The following PSMD11 variants were observed in gnomAD, a reference collection of about 807,000 sequenced individuals.
PSMD11 encodes the protein 26S proteasome non-ATPase regulatory subunit 11.
PSMD11 carries 5 observed loss-of-function variants against 62.3 expected under a neutral mutation model. That is an observed-to-expected ratio of 0.08 (90% CI 0.04 to 0.17). PSMD11 has a LOEUF of 0.17. Among genes scored for constraint, PSMD11 ranks in the 10% least tolerant of loss-of-function variants. The pLI, the probability that PSMD11 is intolerant of heterozygous loss-of-function variation, is 1.00. For synonymous variants in PSMD11, 191 were observed against 191.8 expected (o/e 1.00, Z 0.03); for missense variants, 310 against 512.9 (o/e 0.60, Z 3.82).
chr17:32,450,481 G>A (rs1405934448), intron 2 of PSMD11, among the ~76,000 whole-genome samples: 1 of 146,832 alleles, frequency 6.8e-6, no homozygotes, highest in South Asian at 2.1e-4. Flanking sequence ...TGGCCAGGCT[G>A]GTCTTGGACT....
At chr17:32,480,112 TA>T in intron 11 of PSMD11, 33 bp from the exon 12 acceptor site, 1 of 1,603,184 alleles carries the variant, frequency 6.2e-7, no homozygotes, top group Non-Finnish European at 8.5e-7. Context: ...GACTAGTGGA[TA>T]CTGGTCCCTT....
At chr17:32,474,695 A>C (rs1367124856) in intron 7 of PSMD11, 69 bp from the exon 8 acceptor site, 1 of 1,483,598 alleles carries the variant, frequency 6.7e-7, no homozygotes, top group Non-Finnish European at 9.4e-7. Context: ...GTTAAAAAGA[A>C]ATTTGCCCAA....
intron 3 of PSMD11, among the ~76,000 whole-genome samples, chr17:32,457,886 T>C (rs915609791): frequency 1.3e-5 from 2 of 151,776 alleles, no homozygotes; most frequent in Admixed American, 6.6e-5. Flanking sequence ...CTGCAACCTC[T>C]GCCTCCTGGG....
At position 32,480,350 on chromosome 17, in the gene PSMD11, T is replaced by C. The variant is rs145112920; in HGVS notation, c.1127-139T>C. On this transcript the variant is annotated intron_variant, in intron 12 of 13. Coordinates refer to ENST00000261712, the MANE Select transcript of PSMD11 (RefSeq NM_002815.4). ...CTGTGATGAGAATGTGTAATAAGCA[T>C]GTGTACATGGAATAGGGAGATGAAT... 202 of 1,445,320 alleles carry C rather than the reference T, an allele frequency of 1.4e-4. No homozygotes were observed. The African/African-American group carries it at 2.4e-3, about 17-fold the overall frequency. The allele number at this position is 1,445,320 out of a possible 1,614,324, so 89.5% of individuals were successfully genotyped here. A position where few individuals can be genotyped will look rare whatever the true frequency, so the allele number is the denominator to read the frequency against.
intron 1 of PSMD11, 53 bp from the exon 2 acceptor site, chr17:32,446,892 A>G (rs894494876): frequency 7.7e-7 from 1 of 1,298,978 alleles, no homozygotes; most frequent in African/African-American, 1.5e-5. Context: ...AATTTCCCTC[A>G]GTCTTCATTT....
rs1908268719 is a variant in PSMD11, at chr17:32,474,748, A to G, written c.789-16A>G. 2 of 1,613,592 alleles carry G rather than the reference A, an allele frequency of 1.2e-6. No individual in the cohort carries two copies. The highest frequency in any genetic ancestry group is 1.7e-6 in the Non-Finnish European group (2 of 1,179,498). On this transcript the variant is annotated splice_polypyrimidine_tract_variant and intron_variant, in intron 7 of 13. Coordinates refer to ENST00000261712, the MANE Select transcript of PSMD11 (RefSeq NM_002815.4). ...TAACATCTGCAGCAATTGACCAAGT[A>G]TGTCTTTTTTTCTAGCCCAGAAGAT...
intron 5 of PSMD11, among the ~76,000 whole-genome samples, chr17:32,465,620 A>C (rs1907971267): frequency 6.6e-6 from 1 of 152,202 alleles, no homozygotes; most frequent in South Asian, 2.1e-4. Flanking sequence ...TTTAAAGTGT[A>C]TAATCCAGTG....
In PSMD11 at chr17:32,479,903, C is replaced by CCATT. The variant is rs1159617727; in HGVS notation, c.1074+20_1074+21insTCAT. On this transcript the variant is annotated intron_variant, in intron 11 of 13. Coordinates refer to ENST00000261712, the MANE Select transcript of PSMD11 (RefSeq NM_002815.4). ...CTCTCCAAGGTAAGGAGTCTTAAGG[C>CCATT]CATCTGCAGGGAGGAATGGGACGGG... is the stretch of plus-strand genomic sequence containing the variant. The CCATT allele has an allele frequency of 1.2e-6, 2 of 1,611,220 alleles. No individual in the cohort carries two copies.
chr17:32,458,575 A>C (rs765465469), intron 3 of PSMD11, among the ~76,000 whole-genome samples: 58 of 152,322 alleles, frequency 3.8e-4, no homozygotes, highest in Non-Finnish European at 7.1e-4. Flanking sequence ...GTGGCTTTAC[A>C]CTTGCCTTGT....
In PSMD11 at chr17:32,455,985, TAAA is replaced by T. The variant is rs1225065093; in HGVS notation, c.318+1373_318+1375del. ...GGTGAAACCCCGTTTCTACTAAAAA[TAAA>T]AAAAAATTAGCCAGGTGTGGTGGTG... is the stretch of plus-strand genomic sequence containing the variant. On this transcript the variant is annotated intron_variant, in intron 3 of 13. Transcript: ENST00000261712. Among the ~76,000 whole-genome samples the T allele has an allele frequency of 4.0e-5, 6 of 150,232 alleles. No individual in the cohort carries two copies. The East Asian group carries it at 1.2e-3, about 29-fold the overall frequency.
intron 3 of PSMD11, among the ~76,000 whole-genome samples, chr17:32,458,516 A>T (rs764489179): frequency 5.3e-5 from 8 of 152,120 alleles, no homozygotes; most frequent in Non-Finnish European, 1.0e-4. Context: ...TCTTTCAGTG[A>T]CTCACATTGT....
chr17:32,459,338 C>T (rs1297435880), intron 3 of PSMD11, among the ~76,000 whole-genome samples: 1 of 151,706 alleles, frequency 6.6e-6, no homozygotes, highest in Non-Finnish European at 1.5e-5. Flanking sequence ...CCCACCTCAG[C>T]CTCCCAAATA....
At chr17:32,478,021 C>T (rs973870007) in intron 9 of PSMD11, among the ~76,000 whole-genome samples, 12 of 152,204 alleles carry the variant, frequency 7.9e-5, no homozygotes, top group Non-Finnish European at 4.4e-5. Context: ...GTCTGCTCCT[C>T]TGTGGACAGA....
intron 4 of PSMD11, among the ~76,000 whole-genome samples, 159 bp downstream of exon 4, chr17:32,464,279 T>C (rs1240875623): frequency 6.6e-6 from 1 of 152,208 alleles, no homozygotes; most frequent in African/African-American, 2.4e-5. Flanking sequence ...ATTGCTCTGA[T>C]TGAAGTTTTG....
intron 6 of PSMD11, among the ~76,000 whole-genome samples, chr17:32,473,298 C>T (rs538859669): frequency 2.7e-5 from 4 of 148,028 alleles, no homozygotes; most frequent in South Asian, 2.2e-4. Context: ...TTTTTTGAGA[C>T]GGAAGTTTGC....
chr17:32,465,650 A>C (rs976322230), intron 5 of PSMD11, among the ~76,000 whole-genome samples: 1 of 152,156 alleles, frequency 6.6e-6, no homozygotes, highest in South Asian at 2.1e-4. Context: ...GTATTCACTA[A>C]GTTGTACAAC....
chr17:32,446,500 T>TA (rs1374456875), intron 1 of PSMD11, among the ~76,000 whole-genome samples: 1 of 152,218 alleles, frequency 6.6e-6, no homozygotes, highest in Non-Finnish European at 1.5e-5. Flanking sequence ...GCTTTTGACT[T>TA]ACAGGCATCA....
chr17:32,458,751 G>A (rs1391133689), intron 3 of PSMD11, among the ~76,000 whole-genome samples: 3 of 151,984 alleles, frequency 2.0e-5, no homozygotes, highest in African/African-American at 7.3e-5. Flanking sequence ...GTAATTACTG[G>A]CCTTATTGCC....
chr17:32,476,675 G>C (rs1203345086), intron 8 of PSMD11: 1 of 152,148 alleles, frequency 6.6e-6, no homozygotes, highest in Non-Finnish European at 1.5e-5. Flanking sequence ...GCTTGGTCAG[G>C]TGCCTTTTTT....
Sources: gnomAD v4.1 joint callset for allele counts (sites outside exome capture counted in the v4.1 genomes callset) on GRCh38, gnomAD v4.1.1 for gene constraint, MANE v1.5 for transcripts, NCBI Gene and HGNC (gene_info 2026-07-23, HGNC 2026-07-21) for gene names.